The following DMXL1 variants were observed in gnomAD, a reference collection of about 807,000 sequenced individuals.
DMXL1 encodes Dmx like 1, also known as dmX-like protein 1.
Under a neutral mutation model 319.2 loss-of-function variants are expected in DMXL1, and 99 were observed. The ratio of observed to expected loss-of-function variants is 0.31; its 90% CI spans 0.26 to 0.37. The LOEUF (loss-of-function observed/expected upper bound fraction) is 0.37. DMXL1 is among the 10% of genes least tolerant of loss of function. The probability of loss-of-function intolerance (pLI) is 1.00; values close to 1 mark genes in which losing one functional copy is unlikely to be tolerated. For synonymous variants in DMXL1, 1,385 were observed against 1,235.2 expected (o/e 1.12, Z -2.54); for missense variants, 3,745 against 3,595.6 (o/e 1.04, Z -1.06).
intron 28 of DMXL1, among the ~76,000 whole-genome samples, chr5:119,188,378 G>C (rs1274463916): frequency 6.6e-6 from 1 of 152,016 alleles, no homozygotes; most frequent in African/African-American, 2.4e-5. Flanking sequence ...ATCCAGCCTA[G>C]GCAACATAAG....
At chr5:119,093,699 A>G (rs773420229) in intron 1 of DMXL1, among the ~76,000 whole-genome samples, 12 of 152,242 alleles carry the variant, frequency 7.9e-5, no homozygotes, top group South Asian at 2.1e-4. Flanking sequence ...ACCTAGGCCT[A>G]TTGTGCTAGT....
intron 40 of DMXL1, among the ~76,000 whole-genome samples, chr5:119,237,876 T>C (rs920434103): frequency 1.1e-4 from 17 of 152,130 alleles, no homozygotes; most frequent in African/African-American, 3.9e-4. Context: ...TTATGAACTT[T>C]CTGTGGCTTC....
chr5:119,200,567 C>G (rs932007144), intron 32 of DMXL1, among the ~76,000 whole-genome samples: 1 of 152,062 alleles, frequency 6.6e-6, no homozygotes, highest in Non-Finnish European at 1.5e-5. Context: ...TTTTTACGTT[C>G]CATATTAATT....
chr5:119,185,617 C>G (rs1777578431), intron 28 of DMXL1, among the ~76,000 whole-genome samples: 1 of 152,048 alleles, frequency 6.6e-6, no homozygotes. Context: ...ATTCTTGTAC[C>G]TCAGCTTCCC....
At chr5:119,071,718 G>C in intron 1 of DMXL1, 62 bp downstream of exon 1, 1 of 1,479,392 alleles carries the variant, frequency 6.8e-7, no homozygotes, top group Non-Finnish European at 9.1e-7. Flanking sequence ...TCTGGGCCGA[G>C]CTTGGCCCAG....
chr5:119,247,608 T>A lies in DMXL1; in HGVS notation c.*389T>A, dbSNP rs1195021777. Reference sequence around the variant, plus strand: ...ATACTCATCACTTAATTCACCACACTCTCACTTCCTTTATTAGCCTTATAC... The same window carrying A: ...ATACTCATCACTTAATTCACCACACACTCACTTCCTTTATTAGCCTTATAC... On this transcript the variant is annotated 3_prime_UTR_variant, in exon 44 of 44. Transcript: ENST00000539542. 6.5e-6 allele frequency: 1 copy of A among 153,736 alleles called. No homozygotes were observed. Among genetic ancestry groups the A allele is most frequent in the African/African-American group, 2.4e-5 (1 of 41,476 alleles). 9.5% of individuals were successfully genotyped at this position (153,736 alleles called of 1,614,324 possible). A position where few individuals can be genotyped will look rare whatever the true frequency, so the allele number is the denominator to read the frequency against.
chr5:119,121,820 G>A (rs1256892387), intron 9 of DMXL1, among the ~76,000 whole-genome samples: 1 of 152,018 alleles, frequency 6.6e-6, no homozygotes, highest in Non-Finnish European at 1.5e-5. Flanking sequence ...CGGGGTGGTG[G>A]CCGGGCAGAG....
At chr5:119,132,070 C>T (rs866534813) in intron 10 of DMXL1, among the ~76,000 whole-genome samples, 1 of 152,098 alleles carries the variant, frequency 6.6e-6, no homozygotes. Context: ...ATCAAAGTAC[C>T]AGTTTGATGC....
chr5:119,110,590 T>C (rs1345747949), intron 5 of DMXL1, among the ~76,000 whole-genome samples: 1 of 152,226 alleles, frequency 6.6e-6, no homozygotes. Flanking sequence ...GACTTCCTAT[T>C]CTGAAGAAAT....
chr5:119,179,204 A>G (rs1288966554), intron 28 of DMXL1, among the ~76,000 whole-genome samples: 11 of 151,518 alleles, frequency 7.3e-5, no homozygotes, highest in Admixed American at 7.3e-4. Flanking sequence ...TTTTCCAATT[A>G]TGGAGGGCAT....
chr5:119,237,397 A>G lies in DMXL1; in HGVS notation c.8542A>G (p.Met2848Val), dbSNP rs747321597. 6.2e-7 allele frequency: 1 copy of G among 1,603,632 alleles called. No homozygotes were observed. The highest frequency in any genetic ancestry group is 8.5e-7 in the Non-Finnish European group (1 of 1,172,792). ...GAAATGTTGTCCAGTTACTGGAAGCATGCCTAAGCCATACCTGGTAAGCCA... is the reference window on the plus strand; with the variant it reads ...GAAATGTTGTCCAGTTACTGGAAGCGTGCCTAAGCCATACCTGGTAAGCCA... ...NWKCCPVTGSMPKPYLTWQCH... is the reference protein window; with the variant it reads ...NWKCCPVTGSVPKPYLTWQCH... The change falls in exon 40 of 44, where the codon ATG (methionine) becomes GTG (valine). Residue 2848 changes from methionine (M) to valine (V), a missense_variant. Coordinates refer to ENST00000539542, the MANE Select transcript of DMXL1 (RefSeq NM_001290321.3).
intron 1 of DMXL1, among the ~76,000 whole-genome samples, chr5:119,097,606 A>G (rs1349569254): frequency 6.6e-6 from 1 of 152,166 alleles, no homozygotes; most frequent in Admixed American, 6.5e-5. Context: ...AGTCTCAGCT[A>G]CTCAGGAAAT....
At chr5:119,178,599 C>G (rs1158277400) in intron 28 of DMXL1, 1 of 985,172 alleles carries the variant, frequency 1.0e-6, no homozygotes, top group East Asian at 1.1e-4. Context: ...ATGCCTAGCC[C>G]CCACCAGGTA....
chr5:119,193,935 C>G lies in DMXL1; in HGVS notation c.7422C>G (p.Phe2474Leu), dbSNP rs773183760. The change falls in exon 30 of 44, where the codon TTC becomes TTG. Residue 2474 changes from phenylalanine (F) to leucine (L), a missense_variant. Coordinates refer to ENST00000539542, the MANE Select transcript of DMXL1 (RefSeq NM_001290321.3). ...ATGATGATGTTTTAGCATCAGATTT[C>G]CATCTCCAGGAACATTCTAATTCAA... ...DDDDDVLASD[F>L]HLQEHSNSNS... 1 of 1,610,078 alleles carries G rather than the reference C, an allele frequency of 6.2e-7. No homozygotes were observed. Among genetic ancestry groups the G allele is most frequent in the South Asian group, 1.1e-5 (1 of 90,652 alleles).
chr5:119,120,897 T>A lies in DMXL1; in HGVS notation c.934-74T>A, dbSNP rs950158203. On this transcript the variant is annotated intron_variant, in intron 8 of 43. Coordinates refer to ENST00000539542, the MANE Select transcript of DMXL1 (RefSeq NM_001290321.3). ...TCTGAGCTAGGATATATGTAACTTC[T>A]GACAATCATTATATAACCTATACGT... is the stretch of plus-strand genomic sequence containing the variant. The A allele has an allele frequency of 2.5e-6, 3 of 1,215,014 alleles. No individual in the cohort carries two copies. The African/African-American group carries it at 4.6e-5, about 19-fold the overall frequency. 75.3% of individuals were successfully genotyped at this position (1,215,014 alleles called of 1,614,324 possible).
chr5:119,141,082 C>T (rs561390943), intron 13 of DMXL1, among the ~76,000 whole-genome samples: 10 of 152,252 alleles, frequency 6.6e-5, no homozygotes, highest in African/African-American at 2.4e-4. Context: ...TCTCAATAAA[C>T]TAGGTGTTGA....
intron 13 of DMXL1, among the ~76,000 whole-genome samples, chr5:119,135,748 C>G (rs1428449832): frequency 6.6e-6 from 1 of 152,178 alleles, no homozygotes; most frequent in Non-Finnish European, 1.5e-5. Context: ...GTGCTTGCTT[C>G]TCCTTTGCCT....
At chr5:119,121,219 C>A in intron 9 of DMXL1, 80 bp downstream of exon 9, 1 of 1,222,930 alleles carries the variant, frequency 8.2e-7, no homozygotes, top group Non-Finnish European at 1.1e-6. Context: ...TTTTAGTTTT[C>A]AAATAAGTAA....
intron 37 of DMXL1, among the ~76,000 whole-genome samples, chr5:119,221,550 TAGGAACAC>T (rs1320766562): frequency 1.3e-5 from 2 of 152,176 alleles, no homozygotes; most frequent in Admixed American, 6.5e-5. Context: ...TAAAGTTTTA[TAGGAACAC>T]AGCCAGTCAT....
Sources: gnomAD v4.1 joint callset for allele counts (sites outside exome capture counted in the v4.1 genomes callset) on GRCh38, gnomAD v4.1.1 for gene constraint, MANE v1.5 for transcripts, NCBI Gene and HGNC (gene_info 2026-07-23, HGNC 2026-07-21) for gene names.